The following ATL2 variants were observed in gnomAD, a reference collection of about 807,000 sequenced individuals.
ATL2 encodes atlastin-2.
A neutral mutation model predicts 73.9 loss-of-function variants in ATL2; 31 were observed. The observed-to-expected ratio is 0.42, with a 90% CI of 0.32 to 0.57. The LOEUF (loss-of-function observed/expected upper bound fraction) is 0.57, where lower values mean the gene tolerates loss of function less well. ATL2 is among the 20% of genes least tolerant of loss of function. The probability of loss-of-function intolerance (pLI) is 0.14; values close to 1 mark genes in which losing one functional copy is unlikely to be tolerated. For missense variants in ATL2, 738 were observed against 702.6 expected (o/e 1.05, Z -0.57); for synonymous variants, 291 against 237.5 (o/e 1.23, Z -2.07).
intron 2 of ATL2, among the ~76,000 whole-genome samples, chr2:38,319,555 T>C (rs1159892719): frequency 6.7e-6 from 1 of 150,354 alleles, no homozygotes; most frequent in African/African-American, 2.5e-5. Flanking sequence ...GCTGAGATTG[T>C]GCCACTATAC....
chr2:38,325,666 AC>A, intron 2 of ATL2, among the ~76,000 whole-genome samples: 1 of 33,890 alleles, frequency 3.0e-5, no homozygotes, highest in Non-Finnish European at 4.7e-5. Context: ...ACCAGTACAC[AC>A]ACACACACAC....
At chr2:38,296,446 G>T in intron 12 of ATL2, 2 of 1,568,958 alleles carry the variant, frequency 1.3e-6, no homozygotes, top group South Asian at 2.3e-5. Flanking sequence ...GTGTAAGTGT[G>T]AACACTTCAG....
intron 2 of ATL2, among the ~76,000 whole-genome samples, chr2:38,332,833 T>C (rs2148464555): frequency 6.6e-6 from 1 of 152,304 alleles, no homozygotes; most frequent in African/African-American, 2.4e-5. Context: ...GAAAGAATTA[T>C]GGTATACATT....
In ATL2 at chr2:38,319,362, G is replaced by A. The variant is rs1668194932; in HGVS notation, c.364-343C>T. Among the ~76,000 whole-genome samples the A allele has an allele frequency of 2.6e-5, 4 of 152,194 alleles. No homozygotes were observed. The South Asian group carries it at 8.3e-4, about 32-fold the overall frequency. On this transcript the variant is annotated intron_variant, in intron 2 of 12. Transcript: ENST00000378954. ...GCCTGTAATCCCAGCACTTTGGGAG[G>A]CTGAAGTGGGCATATCACTTGAGGC... is the stretch of plus-strand genomic sequence containing the variant.
intron 1 of ATL2, among the ~76,000 whole-genome samples, chr2:38,366,980 C>G (rs2124484715): frequency 6.6e-6 from 1 of 152,220 alleles, no homozygotes; most frequent in South Asian, 2.1e-4. Context: ...ACATGCCAAA[C>G]ACTTTAAGAC....
At chr2:38,321,389 G>C (rs1668312818) in intron 2 of ATL2, among the ~76,000 whole-genome samples, 2 of 152,030 alleles carry the variant, frequency 1.3e-5, no homozygotes, top group Admixed American at 6.6e-5. Context: ...TGGTCAGAAG[G>C]GGCTGCCACC....
intron 6 of ATL2, among the ~76,000 whole-genome samples, chr2:38,313,803 C>G (rs1013551944): frequency 6.6e-6 from 1 of 152,118 alleles, no homozygotes; most frequent in African/African-American, 2.4e-5. Context: ...ATGCTAGATA[C>G]CAAGAGGCAC....
At chr2:38,303,858 G>A (rs1667309666) in intron 9 of ATL2, among the ~76,000 whole-genome samples, 2 of 152,180 alleles carry the variant, frequency 1.3e-5, no homozygotes, top group South Asian at 2.1e-4. Context: ...CTGGCTGGGC[G>A]TGGTGGCTCA....
chr2:38,355,575 C>T (rs1468198295), intron 1 of ATL2, among the ~76,000 whole-genome samples: 2 of 152,052 alleles, frequency 1.3e-5, no homozygotes, highest in African/African-American at 4.8e-5. Flanking sequence ...TAAAAGCATA[C>T]CACATATAAA....
chr2:38,301,117 T>C (rs1174264764), intron 9 of ATL2, among the ~76,000 whole-genome samples: 1 of 152,078 alleles, frequency 6.6e-6, no homozygotes, highest in Non-Finnish European at 1.5e-5. Flanking sequence ...ATTACAGGCA[T>C]GCGCCACCAC....
intron 9 of ATL2, 97 bp from the exon 10 acceptor site, chr2:38,300,425 C>G: frequency 3.9e-6 from 3 of 777,440 alleles, no homozygotes; most frequent in Non-Finnish European, 6.4e-6. Context: ...ATAATTAACA[C>G]CATTAAAAGT....
intron 4 of ATL2, chr2:38,318,222 A>C (rs1668127716): frequency 4.8e-6 from 1 of 209,580 alleles, no homozygotes; most frequent in East Asian, 1.1e-4. Flanking sequence ...TCACGCCTGT[A>C]ATCCCAGCAC....
At chr2:38,326,343 C>A (rs185883325) in intron 2 of ATL2, among the ~76,000 whole-genome samples, 1 of 152,260 alleles carries the variant, frequency 6.6e-6, no homozygotes, top group Non-Finnish European at 1.5e-5. Flanking sequence ...AACATATAAC[C>A]TCATAATAGA....
chr2:38,315,063 C>T (rs992293570), intron 5 of ATL2, among the ~76,000 whole-genome samples: 1 of 152,164 alleles, frequency 6.6e-6, no homozygotes, highest in Non-Finnish European at 1.5e-5. Flanking sequence ...ACCAGCCTGA[C>T]CAACATGGTG....
chr2:38,344,100 C>T (rs1040999583), intron 1 of ATL2, among the ~76,000 whole-genome samples: 1 of 152,156 alleles, frequency 6.6e-6, no homozygotes, highest in East Asian at 1.9e-4. Flanking sequence ...TGGCCTCTAT[C>T]TCAATGAAGT....
intron 2 of ATL2, among the ~76,000 whole-genome samples, chr2:38,341,047 G>A (rs553933852): frequency 3.9e-5 from 6 of 152,314 alleles, no homozygotes; most frequent in Admixed American, 1.3e-4. Context: ...ACTGATCAGA[G>A]ATGGAAACAG....
chr2:38,296,607 T>C, intron 12 of ATL2: 7 of 1,612,904 alleles, frequency 4.3e-6, no homozygotes, highest in Admixed American at 1.7e-5. Flanking sequence ...CATGAAGTGA[T>C]TTGTTAGGAG....
At chr2:38,307,798 GCAAAAGATCTGAACAGA>G (rs1158250433) in intron 9 of ATL2, among the ~76,000 whole-genome samples, 1 of 152,020 alleles carries the variant, frequency 6.6e-6, no homozygotes, top group East Asian at 1.9e-4. Context: ...CAAAAAACGG[GCAAAAGATCTGAACAGA>G]CATTTCTCAA....
chr2:38,333,172 G>A (rs1452983304), intron 2 of ATL2, among the ~76,000 whole-genome samples: 1 of 152,174 alleles, frequency 6.6e-6, no homozygotes, highest in Non-Finnish European at 1.5e-5. Context: ...AGACCAAGCT[G>A]GGCTAAAAAG....
Sources: gnomAD v4.1 joint callset for allele counts (sites outside exome capture counted in the v4.1 genomes callset) on GRCh38, gnomAD v4.1.1 for gene constraint, MANE v1.5 for transcripts, NCBI Gene and HGNC (gene_info 2026-07-23, HGNC 2026-07-21) for gene names.